The following RPS6KA2 variants were observed in gnomAD, a reference collection of about 807,000 sequenced individuals.
RPS6KA2 encodes the protein ribosomal protein S6 kinase A2, also known as ribosomal protein S6 kinase alpha-2.
In RPS6KA2, 42 loss-of-function variants were observed where a neutral mutation model predicts 91.8. That is an observed-to-expected ratio of 0.46 (90% CI 0.36 to 0.59). The LOEUF (loss-of-function observed/expected upper bound fraction) is 0.59, where lower values mean the gene tolerates loss of function less well. Ranked by LOEUF, RPS6KA2 falls within the 20% of genes least tolerant of loss-of-function variation. RPS6KA2 has a pLI of 0.00. For missense variants in RPS6KA2, 798 were observed against 978.5 expected, an observed-to-expected ratio of 0.82 and a Z score of 2.46; for synonymous variants, 414 against 393.6, an observed-to-expected ratio of 1.05 and a Z score of -0.61.
chr6:166,441,169 T>G (rs968132248), intron 14 of RPS6KA2, among the ~76,000 whole-genome samples: 8 of 152,182 alleles, frequency 5.3e-5, no homozygotes, highest in African/African-American at 9.7e-5. Context: ...AATGTTGCTT[T>G]CTTTCTTTTC....
intron 2 of RPS6KA2, among the ~76,000 whole-genome samples, chr6:166,640,431 G>A (rs925855110): frequency 6.6e-6 from 1 of 152,236 alleles, no homozygotes; most frequent in African/African-American, 2.4e-5. Context: ...AGAATAGCCC[G>A]TGTGGCAGCC....
chr6:166,765,342 C>T (rs1283355356), intron 2 of RPS6KA2, among the ~76,000 whole-genome samples: 3 of 152,180 alleles, frequency 2.0e-5, no homozygotes, highest in African/African-American at 4.8e-5. Context: ...CTCCGGGACG[C>T]GTGGTGACGA....
At chr6:166,747,052 C>A (rs560734175) in intron 2 of RPS6KA2, among the ~76,000 whole-genome samples, 1 of 152,198 alleles carries the variant, frequency 6.6e-6, no homozygotes, top group Non-Finnish European at 1.5e-5. Context: ...AGCTCCCCAG[C>A]CCCAGTCCTT....
At chr6:166,755,573 G>A (rs1777986266) in intron 2 of RPS6KA2, among the ~76,000 whole-genome samples, 1 of 152,024 alleles carries the variant, frequency 6.6e-6, no homozygotes. Flanking sequence ...ATCACACCCA[G>A]GCCCACCTTC....
At chr6:166,798,400 C>A (rs1043371450) in intron 2 of RPS6KA2, among the ~76,000 whole-genome samples, 1 of 152,240 alleles carries the variant, frequency 6.6e-6, no homozygotes, top group Non-Finnish European at 1.5e-5. Flanking sequence ...CAAAGGTGGA[C>A]AACTCTGCTA....
chr6:166,654,903 G>T (rs1001074782), intron 2 of RPS6KA2, among the ~76,000 whole-genome samples: 9 of 152,168 alleles, frequency 5.9e-5, no homozygotes, highest in African/African-American at 1.9e-4. Flanking sequence ...TAAGTAGGAT[G>T]TGGGGCAATA....
chr6:166,446,094 C>T (rs1779670366), intron 14 of RPS6KA2, among the ~76,000 whole-genome samples: 1 of 152,240 alleles, frequency 6.6e-6, no homozygotes, highest in Non-Finnish European at 1.5e-5. Context: ...TGCACTGGGT[C>T]AAAGCAGTTT....
intron 20 of RPS6KA2, 143 bp from the exon 21 acceptor site, chr6:166,413,030 G>A: frequency 2.2e-6 from 2 of 891,000 alleles, no homozygotes; most frequent in Non-Finnish European, 1.6e-6. Context: ...AGCATGGAGT[G>A]CTGTTAGCCT....
chr6:166,443,130 T>A (rs1275728683), intron 14 of RPS6KA2, among the ~76,000 whole-genome samples: 2 of 152,190 alleles, frequency 1.3e-5, no homozygotes, highest in African/African-American at 4.8e-5. Context: ...AATTCTGTAA[T>A]AATACGATCT....
intron 2 of RPS6KA2, among the ~76,000 whole-genome samples, chr6:166,828,037 A>T (rs1271315225): frequency 2.0e-5 from 3 of 152,242 alleles, no homozygotes; most frequent in Non-Finnish European, 4.4e-5. Flanking sequence ...CAGGTACCTG[A>T]CAGAATTTGC....
At chr6:166,611,366 T>C (rs574487538) in intron 1 of RPS6KA2, among the ~76,000 whole-genome samples, 1 of 152,332 alleles carries the variant, frequency 6.6e-6, no homozygotes, top group African/African-American at 2.4e-5. Context: ...CACTAGCCTG[T>C]AGCTGCTGAA....
intron 2 of RPS6KA2, among the ~76,000 whole-genome samples, chr6:166,531,857 A>T (rs1227046081): frequency 6.6e-6 from 1 of 152,232 alleles, no homozygotes; most frequent in Non-Finnish European, 1.5e-5. Flanking sequence ...GCTTTCTGAA[A>T]TACATTTTGA....
chr6:166,601,197 T>G (rs1785718110), intron 1 of RPS6KA2, among the ~76,000 whole-genome samples: 1 of 152,228 alleles, frequency 6.6e-6, no homozygotes, highest in Admixed American at 6.5e-5. Context: ...GCCATATTTC[T>G]CTACTTGCAA....
At position 166,464,239 on chromosome 6, in the gene RPS6KA2, A is replaced by G. The variant is rs576850239; in HGVS notation, c.973-4688T>C. On this transcript the variant is annotated intron_variant, in intron 11 of 20. Transcript: ENST00000265678. ...GCTCCTGCCAGGACACACAACAGCC[A>G]AGTTCAGGGCACACCCCACGCGCTG... Among the ~76,000 whole-genome samples the G allele has an allele frequency of 2.6e-5, 4 of 152,200 alleles. No individual in the cohort carries two copies. In the East Asian group the frequency reaches 7.7e-4, roughly 29 times the overall value.
chr6:166,674,404 C>T (rs997851054), intron 2 of RPS6KA2, among the ~76,000 whole-genome samples: 3 of 152,058 alleles, frequency 2.0e-5, no homozygotes, highest in Admixed American at 6.6e-5. Flanking sequence ...CACGCTAAAC[C>T]GTGGGACTGC....
intron 2 of RPS6KA2, among the ~76,000 whole-genome samples, chr6:166,675,477 CAG>C (rs1045683756): frequency 3.9e-5 from 6 of 152,200 alleles, no homozygotes; most frequent in African/African-American, 1.4e-4. Flanking sequence ...CCCACAAGAG[CAG>C]AGAGGCTGTG....
At chr6:166,797,228 A>G (rs1779250614) in intron 2 of RPS6KA2, among the ~76,000 whole-genome samples, 1 of 152,122 alleles carries the variant, frequency 6.6e-6, no homozygotes, top group South Asian at 2.1e-4. Flanking sequence ...TGCTGGGGAC[A>G]TTGTGCAGGA....
Position 166,648,337 on chromosome 6 carries a change from G to A in RPS6KA2, c.124-109553C>T, listed in dbSNP as rs963230919. Among the ~76,000 whole-genome samples, 19 of 149,462 alleles carry A rather than the reference G, an allele frequency of 1.3e-4. No homozygotes were observed. Among genetic ancestry groups the A allele is most frequent in the Non-Finnish European group, 2.1e-4 (14 of 66,368 alleles). ...CATGCACACACACATACATGCACACGCTTCTCCTCACTCCCTGATTTTTAT... is the reference window on the plus strand; with the variant it reads ...CATGCACACACACATACATGCACACACTTCTCCTCACTCCCTGATTTTTAT... On this transcript the variant is annotated intron_variant, in intron 2 of 21. Transcript: ENST00000503859. This position sits in a 1 kb window ranked among gnomAD's most constrained non-coding sequence, Gnocchi z 4.8.
intron 2 of RPS6KA2, among the ~76,000 whole-genome samples, chr6:166,736,154 C>G (rs1157517593): frequency 1.3e-5 from 2 of 152,216 alleles, no homozygotes; most frequent in Non-Finnish European, 2.9e-5. Context: ...TCTGTTTCAA[C>G]ATCAGAAAAT....
Sources: allele counts gnomAD v4.1 joint callset (sites outside exome capture counted in the v4.1 genomes callset), GRCh38; gene constraint gnomAD v4.1.1; non-coding constraint Gnocchi (gnomAD v3.1); transcripts MANE v1.5; gene names NCBI Gene and HGNC (gene_info 2026-07-23, HGNC 2026-07-21).